Variants in LRP1B observed in about 807,000 individuals in gnomAD.
LRP1B encodes low-density lipoprotein receptor-related protein 1B.
A neutral mutation model predicts 556.6 loss-of-function variants in LRP1B; 217 were observed. The ratio of observed to expected loss-of-function variants is 0.39; its 90% CI spans 0.35 to 0.44. LRP1B has a LOEUF of 0.44. LRP1B is among the 20% of genes least tolerant of loss of function. The probability of loss-of-function intolerance (pLI) is 1.00; values close to 1 mark genes in which losing one functional copy is unlikely to be tolerated. For synonymous variants in LRP1B, 2,047 were observed against 1,865.8 expected, an observed-to-expected ratio of 1.10 and a Z score of -2.50; for missense variants, 5,053 against 5,620.8, an observed-to-expected ratio of 0.90 and a Z score of 3.23.
In LRP1B at chr2:140,251,010, C is replaced by T. The variant is rs62171568; in HGVS notation, c.13248-3848G>A. ...TTATTTATTTTTTGTAATTAATTCTCATCTGAATGTTACTGCATGAAACAC... is the reference window on the plus strand; with the variant it reads ...TTATTTATTTTTTGTAATTAATTCTTATCTGAATGTTACTGCATGAAACAC... On this transcript the variant is annotated intron_variant, in intron 86 of 90. Transcript: ENST00000389484. 2.6e-3 allele frequency among the ~76,000 whole-genome samples: 395 copies of T among 151,792 alleles called. 1 individual carries two copies. Among genetic ancestry groups the T allele is most frequent in the Non-Finnish European group, 4.2e-3 (286 of 67,770 alleles).
chr2:141,363,859 G>A (rs1462896794), intron 3 of LRP1B, among the ~76,000 whole-genome samples: 1 of 151,978 alleles, frequency 6.6e-6, no homozygotes, highest in African/African-American at 2.4e-5. Context: ...TTTTCAAATT[G>A]CACAATTTCC....
intron 1 of LRP1B, among the ~76,000 whole-genome samples, chr2:141,867,022 T>A (rs929389103): frequency 1.3e-5 from 2 of 152,140 alleles, no homozygotes; most frequent in Admixed American, 6.6e-5. Flanking sequence ...ATTAGTCTAT[T>A]TAGGTCAACA....
intron 41 of LRP1B, among the ~76,000 whole-genome samples, chr2:140,637,672 C>T (rs915064573): frequency 6.6e-6 from 1 of 152,086 alleles, no homozygotes; most frequent in African/African-American, 2.4e-5. Flanking sequence ...TGTAGTCCAT[C>T]CTAGACACCA....
At chr2:141,531,426 T>C (rs1013613994) in intron 2 of LRP1B, among the ~76,000 whole-genome samples, 3 of 152,116 alleles carry the variant, frequency 2.0e-5, no homozygotes, top group Non-Finnish European at 4.4e-5. Flanking sequence ...CAAATTATAT[T>C]ACTACAGGCT....
rs566974031 is a variant in LRP1B at position 141,202,818 on chromosome 2, T to G, written c.851-14235A>C. Among the ~76,000 whole-genome samples the G allele has an allele frequency of 2.6e-5, 4 of 152,188 alleles. 1 individual carries two copies. The South Asian group carries it at 8.3e-4, about 32-fold the overall frequency. On this transcript the variant is annotated intron_variant, in intron 6 of 90. Coordinates refer to ENST00000389484, the MANE Select transcript of LRP1B (RefSeq NM_018557.3). The stretch of plus-strand genomic sequence containing the variant: ...AGTTTTATTACATAGGTATACATGT[T>G]TGCTGCACCCATCAACCCGTCACCT...
intron 6 of LRP1B, among the ~76,000 whole-genome samples, chr2:141,223,966 G>A (rs1024564692): frequency 2.0e-5 from 3 of 152,130 alleles, no homozygotes; most frequent in Non-Finnish European, 4.4e-5. Context: ...TCAGGACATA[G>A]GCACGGGCAA....
At chr2:141,866,062 G>A (rs1305432614) in intron 1 of LRP1B, among the ~76,000 whole-genome samples, 1 of 152,222 alleles carries the variant, frequency 6.6e-6, no homozygotes, top group African/African-American at 2.4e-5. Flanking sequence ...GGATGGATAT[G>A]TAGGTGTGTC....
At chr2:140,661,400 C>T (rs71412705) in intron 41 of LRP1B, among the ~76,000 whole-genome samples, 9,070 of 151,420 alleles carry the variant, frequency 0.06, 324 homozygotes, top group East Asian at 0.15. Flanking sequence ...TGGCTCATGC[C>T]TATAATCCCA....
At chr2:141,100,328 A>C (rs1700428578) in intron 7 of LRP1B, among the ~76,000 whole-genome samples, 1 of 152,188 alleles carries the variant, frequency 6.6e-6, no homozygotes, top group African/African-American at 2.4e-5. Context: ...TGAAATTAGA[A>C]AATGGAGCTC....
At chr2:141,526,394 G>A (rs1015501830) in intron 2 of LRP1B, among the ~76,000 whole-genome samples, 5 of 151,982 alleles carry the variant, frequency 3.3e-5, no homozygotes, top group African/African-American at 1.2e-4. Context: ...AATCTACATT[G>A]CAGATTTGGA....
intron 41 of LRP1B, among the ~76,000 whole-genome samples, chr2:140,672,646 T>A (rs1021346493): frequency 1.3e-5 from 2 of 152,174 alleles, no homozygotes; most frequent in African/African-American, 4.8e-5. Context: ...TCCTTTTTGA[T>A]GGGTTTGCAG....
intron 66 of LRP1B, among the ~76,000 whole-genome samples, chr2:140,398,616 T>C (rs1031082204): frequency 1.3e-5 from 2 of 152,110 alleles, no homozygotes; most frequent in African/African-American, 4.8e-5. Context: ...AGTCTCCAAC[T>C]CCTAGACTCA....
intron 84 of LRP1B, among the ~76,000 whole-genome samples, chr2:140,288,355 T>C (rs1683243762): frequency 6.6e-6 from 1 of 151,830 alleles, no homozygotes. Context: ...TCATATTATC[T>C]ATAAGAAAGG....
chr2:141,285,286 A>G (rs991696419), intron 3 of LRP1B, among the ~76,000 whole-genome samples: 2 of 150,944 alleles, frequency 1.3e-5, no homozygotes, highest in Non-Finnish European at 3.0e-5. Flanking sequence ...ACAGGGTTTC[A>G]CTATGTTGGC....
intron 1 of LRP1B, among the ~76,000 whole-genome samples, chr2:141,910,654 C>G (rs1434383353): frequency 6.6e-6 from 1 of 151,992 alleles, no homozygotes; most frequent in African/African-American, 2.4e-5. Flanking sequence ...TATAGTTTAT[C>G]TATGATACAG....
At chr2:140,848,930 G>T (rs1692355210) in intron 29 of LRP1B, among the ~76,000 whole-genome samples, 1 of 152,054 alleles carries the variant, frequency 6.6e-6, no homozygotes, top group Admixed American at 6.6e-5. Flanking sequence ...TTTTGTAATG[G>T]TTAGTTGTAC....
intron 2 of LRP1B, among the ~76,000 whole-genome samples, chr2:141,577,287 G>A (rs1380982346): frequency 6.6e-6 from 1 of 152,120 alleles, no homozygotes; most frequent in Non-Finnish European, 1.5e-5. Flanking sequence ...TTTGCTGTAT[G>A]ATTTGGGGGA....
At chr2:140,523,234 G>A (rs889637878) in intron 49 of LRP1B, among the ~76,000 whole-genome samples, 1 of 151,934 alleles carries the variant, frequency 6.6e-6, no homozygotes, top group African/African-American at 2.4e-5. Flanking sequence ...CCAGGTCGGT[G>A]CAACATATGC....
In LRP1B at chr2:140,483,955, T is replaced by A. The variant is rs149997673; in HGVS notation, c.9425+1388A>T. 5.9e-5 allele frequency among the ~76,000 whole-genome samples: 9 copies of A among 152,168 alleles called. No homozygotes were observed. The East Asian group carries it at 1.7e-3, about 29-fold the overall frequency. ...ACACCCAGCTATCAAAAATCAAAAA[T>A]AAACTTTCTTATAAAATATCCAAGA... On this transcript the variant is annotated intron_variant, in intron 59 of 90. Transcript: ENST00000389484.
Sources: gnomAD v4.1 joint callset for allele counts (sites outside exome capture counted in the v4.1 genomes callset) on GRCh38, gnomAD v4.1.1 for gene constraint, MANE v1.5 for transcripts, NCBI Gene and HGNC (gene_info 2026-07-23, HGNC 2026-07-21) for gene names.